The following LIN52 variants were observed in gnomAD, a reference collection of about 807,000 sequenced individuals.
The protein encoded by LIN52 is lin-52 DREAM MuvB core complex component, also known as protein lin-52 homolog.
In LIN52, 4 loss-of-function variants were observed where a neutral mutation model predicts 18.5. The observed-to-expected ratio is 0.22, with a 90% confidence interval of 0.11 to 0.49. The LOEUF is 0.49. Ranked by LOEUF, LIN52 falls within the 20% of genes least tolerant of loss-of-function variation. The probability of loss-of-function intolerance (pLI) is 0.97; values close to 1 mark genes in which losing one functional copy is unlikely to be tolerated. For missense variants in LIN52, 102 were observed against 139.5 expected, an observed-to-expected ratio of 0.73 and a Z score of 1.35; for synonymous variants, 34 against 45.5, an observed-to-expected ratio of 0.75 and a Z score of 1.02.
chr14:74,163,571 G>T (rs1184050584), intron 5 of LIN52, among the ~76,000 whole-genome samples: 1 of 152,124 alleles, frequency 6.6e-6, no homozygotes, highest in Non-Finnish European at 1.5e-5. Context: ...GGCACTTTAA[G>T]GTTAATGATG....
chr14:74,156,767 G>A (rs1373229769), intron 5 of LIN52, among the ~76,000 whole-genome samples: 2 of 152,014 alleles, frequency 1.3e-5, no homozygotes, highest in African/African-American at 4.8e-5. Context: ...CTGTAATTTT[G>A]TATCCATTGA....
chr14:74,155,967 G>A (rs1267493223), intron 5 of LIN52, among the ~76,000 whole-genome samples: 1 of 152,140 alleles, frequency 6.6e-6, no homozygotes, highest in Non-Finnish European at 1.5e-5. Context: ...ATTGACGGTA[G>A]ATAAATGTTC....
chr14:74,159,566 TG>T (rs141861523), intron 5 of LIN52, among the ~76,000 whole-genome samples: 2,585 of 41,340 alleles, frequency 0.063, 28 homozygotes, highest in Non-Finnish European at 0.096. Flanking sequence ...ATGTGGGGTT[TG>T]TTTTTTTTTT....
At chr14:74,165,969 G>T (rs1053397828) in intron 5 of LIN52, among the ~76,000 whole-genome samples, 16 of 150,646 alleles carry the variant, frequency 1.1e-4, no homozygotes, top group African/African-American at 3.9e-4. Context: ...TCAGCTCACC[G>T]CAACTTCCAC....
At position 74,130,278 on chromosome 14, in the gene LIN52, G is replaced by GTTTTTT. The variant is rs71460958; in HGVS notation, c.283+29053_283+29058dup. Among the ~76,000 whole-genome samples the GTTTTTT allele has an allele frequency of 1.3e-3, 82 of 64,804 alleles. 14 individuals carry two copies. The highest frequency in any genetic ancestry group is 3.5e-3 in the African/African-American group (56 of 15,870). The allele number at this position is 64,804 out of a possible 152,430, so 42.5% of individuals were successfully genotyped here. On this transcript the variant is annotated intron_variant, in intron 5 of 5. Transcript: ENST00000555028. ...GAATTTATTAGATAGGCATTTTTTG[G>GTTTTTT]TTTTTTTTTTTTTTTTTTGAGACAG...
At chr14:74,107,807 T>C (rs1394238606) in intron 5 of LIN52, among the ~76,000 whole-genome samples, 1 of 152,224 alleles carries the variant, frequency 6.6e-6, no homozygotes, top group Non-Finnish European at 1.5e-5. Context: ...CATTTGAAAC[T>C]ACGGCTAAAC....
At chr14:74,183,223 A>T (rs2061326641) in intron 5 of LIN52, among the ~76,000 whole-genome samples, 2 of 151,484 alleles carry the variant, frequency 1.3e-5, no homozygotes, top group South Asian at 4.2e-4. Context: ...TCAGCCTCCC[A>T]AGTAGCTGGC....
At chr14:74,184,460 T>TA (rs1293966041) in intron 5 of LIN52, among the ~76,000 whole-genome samples, 1 of 152,230 alleles carries the variant, frequency 6.6e-6, no homozygotes, top group Non-Finnish European at 1.5e-5. Context: ...TAGAGCTAGA[T>TA]AATGGATTGG....
chr14:74,110,401 C>T (rs2060919248), intron 5 of LIN52, among the ~76,000 whole-genome samples: 1 of 152,124 alleles, frequency 6.6e-6, no homozygotes, highest in Non-Finnish European at 1.5e-5. Context: ...AGATTAAGGC[C>T]AGTGTGGTGG....
intron 5 of LIN52, among the ~76,000 whole-genome samples, chr14:74,107,949 G>T (rs2139896458): frequency 6.6e-6 from 1 of 151,888 alleles, no homozygotes; most frequent in South Asian, 2.1e-4. Flanking sequence ...TCAGAATTTT[G>T]CAGTCACCAC....
intron 5 of LIN52, among the ~76,000 whole-genome samples, chr14:74,148,562 GAAC>G (rs202184246): frequency 4.6e-5 from 7 of 152,186 alleles, no homozygotes; most frequent in South Asian, 2.1e-4. Context: ...GGATATAAAC[GAAC>G]AACAACAACA....
At position 74,158,309 on chromosome 14, in the gene LIN52, C is replaced by T. The variant is rs561159177; in HGVS notation, c.284-40613C>T. On this transcript the variant is annotated intron_variant, in intron 5 of 5. Coordinates refer to ENST00000555028, the MANE Select transcript of LIN52 (RefSeq NM_001024674.3). ...TGTATTTTTAGTAGAGATGGAGTTT[C>T]ACCATGTTGGCCAGGCTGGTCTCAA... Among the ~76,000 whole-genome samples the T allele has an allele frequency of 4.6e-5, 7 of 151,888 alleles. No homozygotes were observed. The South Asian group carries it at 6.2e-4, about 14-fold the overall frequency.
At chr14:74,108,974 C>T (rs1364223689) in intron 5 of LIN52, among the ~76,000 whole-genome samples, 1 of 152,082 alleles carries the variant, frequency 6.6e-6, no homozygotes, top group Non-Finnish European at 1.5e-5. Flanking sequence ...TAAACCATTG[C>T]CTAATCCAGG....
chr14:74,116,310 A>T (rs200028019), intron 5 of LIN52, among the ~76,000 whole-genome samples: 4 of 89,800 alleles, frequency 4.5e-5, no homozygotes, highest in African/African-American at 1.2e-4. Context: ...CTCAAAAAAT[A>T]AAAAATAAAA....
At chr14:74,137,367 C>T (rs1382672830) in intron 5 of LIN52, among the ~76,000 whole-genome samples, 1 of 151,686 alleles carries the variant, frequency 6.6e-6, no homozygotes, top group African/African-American at 2.4e-5. Flanking sequence ...ATTCAGACCT[C>T]CCCAATTGTC....
chr14:74,130,278 G>GTTTTTTTTTTGTTTTTTTTT (rs1566856483), intron 5 of LIN52, among the ~76,000 whole-genome samples: 1 of 64,824 alleles, frequency 1.5e-5, no homozygotes, highest in African/African-American at 6.3e-5. Context: ...GCATTTTTTG[G>GTTTTTTTTTTGTTTTTTTTT]TTTTTTTTTT....
intron 2 of LIN52, among the ~76,000 whole-genome samples, chr14:74,093,214 C>T (rs1310027263): frequency 6.7e-5 from 10 of 150,354 alleles, no homozygotes; most frequent in African/African-American, 2.4e-4. Flanking sequence ...CCCAAAGTGC[C>T]GAAATTTCAG....
intron 5 of LIN52, among the ~76,000 whole-genome samples, chr14:74,123,108 A>G (rs1328283430): frequency 6.6e-6 from 1 of 152,240 alleles, no homozygotes; most frequent in African/African-American, 2.4e-5. Flanking sequence ...TATGAGCAGC[A>G]TATGAGAAAT....
intron 5 of LIN52, among the ~76,000 whole-genome samples, chr14:74,136,141 C>G (rs972846280): frequency 1.3e-5 from 2 of 152,178 alleles, no homozygotes; most frequent in African/African-American, 4.8e-5. Flanking sequence ...CCTAACAAAA[C>G]CTAGAGTTAT....
Sources: allele counts gnomAD v4.1 joint callset (sites outside exome capture counted in the v4.1 genomes callset), GRCh38; gene constraint gnomAD v4.1.1; transcripts MANE v1.5; gene names NCBI Gene and HGNC (gene_info 2026-07-23, HGNC 2026-07-21).